HERC4: variants seen among roughly 807,000 people sequenced by gnomAD.
HERC4 encodes HECT and RLD domain containing E3 ubiquitin protein ligase 4, also known as probable E3 ubiquitin-protein ligase HERC4.
In HERC4, 28 loss-of-function variants were observed where a neutral mutation model predicts 124.3. The observed-to-expected ratio is 0.23, with a 90% CI of 0.17 to 0.31. The LOEUF (loss-of-function observed/expected upper bound fraction) is 0.31. HERC4 is among the 10% of genes least tolerant of loss of function. The pLI, the probability that HERC4 is intolerant of heterozygous loss-of-function variation, is 1.00. For synonymous variants in HERC4, 407 were observed against 421.5 expected, an observed-to-expected ratio of 0.97 and a Z score of 0.42; for missense variants, 713 against 1,229.3, an observed-to-expected ratio of 0.58 and a Z score of 6.28.
chr10:68,071,249 T>G (rs922935947), intron 3 of HERC4, among the ~76,000 whole-genome samples: 1 of 152,218 alleles, frequency 6.6e-6, no homozygotes, highest in Admixed American at 6.5e-5. Context: ...AAGAAGCCTA[T>G]TCTAGCTAGT....
chr10:68,007,847 A>C (rs1589305626), intron 9 of HERC4: 1 of 153,008 alleles, frequency 6.5e-6, no homozygotes, highest in South Asian at 2.1e-4. Flanking sequence ...ACCCCTCCTT[A>C]GGCAACCTGG....
intron 8 of HERC4, among the ~76,000 whole-genome samples, chr10:68,025,220 C>A (rs1249833793): frequency 6.6e-6 from 1 of 151,538 alleles, no homozygotes; most frequent in East Asian, 1.9e-4. Context: ...AAGACTCTAT[C>A]ACCCCAAAAA....
At chr10:68,069,595 T>A (rs929687984) in intron 3 of HERC4, 1 of 985,304 alleles carries the variant, frequency 1.0e-6, no homozygotes, top group Non-Finnish European at 1.2e-6. Flanking sequence ...TAGGTTATTA[T>A]GAATCTCGAG....
intron 16 of HERC4, among the ~76,000 whole-genome samples, chr10:67,958,535 A>G (rs1368067429): frequency 6.6e-6 from 1 of 152,202 alleles, no homozygotes; most frequent in African/African-American, 2.4e-5. Context: ...AATCAAAGCA[A>G]AACCTGACAT....
At chr10:67,932,883 T>G (rs1268480815) in intron 22 of HERC4, 103 bp from the exon 23 acceptor site, 1 of 1,000,934 alleles carries the variant, frequency 1.0e-6, no homozygotes, top group African/African-American at 1.7e-5. Flanking sequence ...TTCTGCTACA[T>G]ATCTACGAAA....
At chr10:68,062,965 C>T (rs533641665) in intron 3 of HERC4, among the ~76,000 whole-genome samples, 5 of 152,204 alleles carry the variant, frequency 3.3e-5, no homozygotes, top group African/African-American at 9.6e-5. Context: ...AACCTTCCTG[C>T]TCACTATTCT....
rs2040769439 is a variant in HERC4 at position 68,059,554 on chromosome 10, T to TATTATATATCATA, written c.226+13328_226+13329insTATGATATATAAT. 3.1e-5 allele frequency among the ~76,000 whole-genome samples: 3 copies of TATTATATATCATA among 97,614 alleles called. No individual in the cohort carries two copies. The South Asian group carries it at 1.0e-3, about 34-fold the overall frequency. 64.0% of individuals were successfully genotyped at this position (97,614 alleles called of 152,430 possible). A position where few individuals can be genotyped will look rare whatever the true frequency, so the allele number is the denominator to read the frequency against. ...TTATATATCATATTATATATCATAA[T>TATTATATATCATA]ATATATCATAATATTATATATCATA... On this transcript the variant is annotated intron_variant, in intron 3 of 24. Transcript: ENST00000373700.
At chr10:68,010,369 G>T in intron 9 of HERC4, 1 of 948,970 alleles carries the variant, frequency 1.1e-6, no homozygotes, top group South Asian at 1.4e-5. Context: ...AAGGACACTG[G>T]TGCCCCTGAG....
At chr10:67,963,976 T>C (rs2034691501) in intron 16 of HERC4, among the ~76,000 whole-genome samples, 1 of 147,276 alleles carries the variant, frequency 6.8e-6, no homozygotes, top group South Asian at 2.2e-4. Context: ...AAGGAAGAGT[T>C]TGAGAAGCTT....
chr10:68,056,395 T>A (rs1000101190), intron 3 of HERC4, among the ~76,000 whole-genome samples: 6 of 152,186 alleles, frequency 3.9e-5, no homozygotes, highest in African/African-American at 9.7e-5. Context: ...TGCACCATAG[T>A]ATTTCACTGT....
At chr10:67,965,715 AAGG>A (rs1403003908) in intron 16 of HERC4, 2 of 152,224 alleles carry the variant, frequency 1.3e-5, no homozygotes, top group African/African-American at 4.8e-5. Context: ...ACCCATCCAC[AAGG>A]AGCTTACAGC....
At chr10:67,996,157 A>G (rs1417234051) in intron 9 of HERC4, 5 of 450,228 alleles carry the variant, frequency 1.1e-5, no homozygotes, top group Non-Finnish European at 1.8e-5. Context: ...AAAATTAAAA[A>G]TTGGTTAAGC....
Position 68,038,081 on chromosome 10 carries a change from A to T in HERC4, c.463+12T>A, listed in dbSNP as rs763140742. The T allele has an allele frequency of 3.0e-5, 42 of 1,405,182 alleles. No homozygotes were observed. 87.0% of individuals were successfully genotyped at this position (1,405,182 alleles called of 1,614,324 possible). The stretch of plus-strand genomic sequence containing the variant: ...AAAACTGAAGAGAAATAAAATAAAA[A>T]CTAATGCTTACCTTTAGAAAGTGCA... On this transcript the variant is annotated intron_variant, in intron 5 of 24. Transcript: ENST00000373700.
At chr10:67,940,473 G>A (rs1233186176) in intron 20 of HERC4, among the ~76,000 whole-genome samples, 1 of 151,874 alleles carries the variant, frequency 6.6e-6, no homozygotes, top group Non-Finnish European at 1.5e-5. Flanking sequence ...AGGCTGGAGT[G>A]AAATGGCGCA....
Position 67,946,348 on chromosome 10 carries a change from A to AACACACACAC in HERC4, c.2338-5253_2338-5244dup, listed in dbSNP as rs58692888. ...AGACTAGGTAAATGGATAAAACACA[A>AACACACACAC]ACACACACACACACACACACACACA... On this transcript the variant is annotated intron_variant, in intron 19 of 24. Coordinates refer to ENST00000373700, the MANE Select transcript of HERC4 (RefSeq NM_015601.4). Among the ~76,000 whole-genome samples the AACACACACAC allele has an allele frequency of 3.8e-3, 485 of 128,470 alleles. 7 individuals are homozygous for AACACACACAC. The highest frequency in any genetic ancestry group is 6.2e-3 in the East Asian group (26 of 4,206). The allele number at this position is 128,470 out of a possible 152,430, so 84.3% of individuals were successfully genotyped here. A position where few individuals can be genotyped will look rare whatever the true frequency, so the allele number is the denominator to read the frequency against.
At chr10:67,961,709 C>T (rs1314490969) in intron 16 of HERC4, among the ~76,000 whole-genome samples, 2 of 152,098 alleles carry the variant, frequency 1.3e-5, no homozygotes, top group East Asian at 1.9e-4. Context: ...TGAGTTCCCA[C>T]GTGTCACCAG....
At chr10:68,044,371 T>C (rs1564586782) in intron 4 of HERC4, 33 bp downstream of exon 4, 5 of 1,574,164 alleles carry the variant, frequency 3.2e-6, no homozygotes, top group Non-Finnish European at 4.3e-6. Context: ...TTTAAAAGAT[T>C]GTTAAGGACC....
chr10:67,939,986 G>C (rs962769774), intron 20 of HERC4, among the ~76,000 whole-genome samples: 15 of 152,054 alleles, frequency 9.9e-5, no homozygotes, highest in African/African-American at 2.4e-5. Flanking sequence ...AAGTGCAGTG[G>C]CATGATTTTG....
intron 15 of HERC4, among the ~76,000 whole-genome samples, chr10:67,971,672 G>T: frequency 1.4e-5 from 1 of 71,390 alleles, no homozygotes; most frequent in Non-Finnish European, 2.6e-5. Context: ...ACCCCCCACC[G>T]ACATTTAACA....
Sources: allele counts gnomAD v4.1 joint callset (sites outside exome capture counted in the v4.1 genomes callset), GRCh38; gene constraint gnomAD v4.1.1; transcripts MANE v1.5; gene names NCBI Gene and HGNC (gene_info 2026-07-23, HGNC 2026-07-21).